Variants in ADARB2 observed in about 807,000 individuals in gnomAD.
ADARB2 encodes adenosine deaminase RNA specific B2 (inactive), also known as inactive double-stranded RNA-specific editase B2.
A neutral mutation model predicts 62.2 loss-of-function variants in ADARB2; 25 were observed. The observed-to-expected ratio is 0.40, with a 90% CI of 0.29 to 0.56. The LOEUF is 0.56. Ranked by LOEUF, ADARB2 falls within the 20% of genes least tolerant of loss-of-function variation. ADARB2 has a pLI of 0.43. For synonymous variants in ADARB2, 572 were observed against 500.8 expected (o/e 1.14, Z -1.90); for missense variants, 1,071 against 1,077.4 (o/e 0.99, Z 0.08).
At chr10:1,369,664 A>T (rs554241928) in intron 2 of ADARB2, among the ~76,000 whole-genome samples, 22 of 151,986 alleles carry the variant, frequency 1.4e-4, no homozygotes, top group African/African-American at 4.3e-4. Context: ...AATACATTTT[A>T]AAAAGTCAGC....
intron 1 of ADARB2, among the ~76,000 whole-genome samples, chr10:1,502,258 A>G (rs1315925117): frequency 6.6e-6 from 1 of 152,124 alleles, no homozygotes; most frequent in African/African-American, 2.4e-5. Flanking sequence ...ATCTCCCACA[A>G]CTGTCCAGCC....
At chr10:1,319,165 C>A (rs909141897) in intron 3 of ADARB2, among the ~76,000 whole-genome samples, 5 of 152,144 alleles carry the variant, frequency 3.3e-5, no homozygotes, top group Admixed American at 1.3e-4. Flanking sequence ...CTTCCTTACA[C>A]ACAGAGATAC....
chr10:1,465,837 C>T (rs563122329), intron 1 of ADARB2, among the ~76,000 whole-genome samples: 7 of 152,346 alleles, frequency 4.6e-5, no homozygotes, highest in Non-Finnish European at 8.8e-5. Flanking sequence ...CTCCCTCGGG[C>T]GGTCCTGGCT....
chr10:1,192,019 T>G (rs1018864670), intron 8 of ADARB2, among the ~76,000 whole-genome samples: 3 of 152,342 alleles, frequency 2.0e-5, no homozygotes, highest in African/African-American at 7.2e-5. Flanking sequence ...AACTCATCTA[T>G]GAAAGTGAGT....
chr10:1,333,994 G>A (rs1308086332), intron 3 of ADARB2, among the ~76,000 whole-genome samples: 1 of 152,150 alleles, frequency 6.6e-6, no homozygotes, highest in Admixed American at 6.5e-5. Context: ...ATGCTTACAC[G>A]GCAGGTTACT....
chr10:1,560,774 G>C (rs1044899428), intron 1 of ADARB2, among the ~76,000 whole-genome samples: 1 of 152,220 alleles, frequency 6.6e-6, no homozygotes, highest in Non-Finnish European at 1.5e-5. Context: ...ACTTGTGGAC[G>C]GTCATCTGTC....
At position 1,200,207 on chromosome 10, in the gene ADARB2, C is replaced by T. The variant is rs1836967300; in HGVS notation, c.1683-60G>A. 2.6e-6 allele frequency: 4 copies of T among 1,545,036 alleles called. No homozygotes were observed. The South Asian group carries it at 3.6e-5, about 14-fold the overall frequency. ...CCAGGAGCCCAGGGAGCCTGGTCCTCTCTGTCCGTCTGCGGCCTGGTCCTG... is the reference window on the plus strand; with the variant it reads ...CCAGGAGCCCAGGGAGCCTGGTCCTTTCTGTCCGTCTGCGGCCTGGTCCTG... On this transcript the variant is annotated intron_variant, in intron 7 of 9. Coordinates refer to ENST00000381312, the MANE Select transcript of ADARB2 (RefSeq NM_018702.4).
intron 1 of ADARB2, among the ~76,000 whole-genome samples, chr10:1,444,281 A>ATCCATC (rs758159917): frequency 1.7e-5 from 2 of 117,568 alleles, no homozygotes; most frequent in African/African-American, 8.7e-5. Context: ...CCATCTATCT[A>ATCCATC]CATCCATCCA....
At chr10:1,678,353 AGTGAGTGACCTCGGG>A in intron 1 of ADARB2, 1 of 981,536 alleles carries the variant, frequency 1.0e-6, no homozygotes, top group Admixed American at 6.2e-5. Flanking sequence ...GGGACCTCGG[AGTGAGTGACCTCGGG>A]GTGAGCATCC....
intron 1 of ADARB2, among the ~76,000 whole-genome samples, chr10:1,674,503 G>A (rs866077634): frequency 7.2e-5 from 11 of 152,168 alleles, no homozygotes; most frequent in African/African-American, 1.9e-4. Flanking sequence ...AATAAAAAGC[G>A]TATACAGCCT....
chr10:1,291,420 AGAG>A (rs1228983332), intron 3 of ADARB2: 1 of 152,262 alleles, frequency 6.6e-6, no homozygotes, highest in Non-Finnish European at 1.5e-5. Context: ...GCAGGCTCCC[AGAG>A]GAGCGGGGTC....
chr10:1,701,842 C>T (rs372744476), intron 1 of ADARB2, among the ~76,000 whole-genome samples: 366 of 134,648 alleles, frequency 2.7e-3, no homozygotes, highest in East Asian at 6.0e-3. Context: ...GGAGACCAGG[C>T]GCTCACCAGT....
intron 3 of ADARB2, among the ~76,000 whole-genome samples, chr10:1,299,383 G>A (rs552743621): frequency 2.6e-5 from 4 of 152,268 alleles, no homozygotes; most frequent in African/African-American, 9.6e-5. Context: ...GTCAGCAGGG[G>A]TGTCCTTCCC....
intron 1 of ADARB2, among the ~76,000 whole-genome samples, chr10:1,702,528 T>G (rs1834835205): frequency 6.6e-6 from 1 of 152,192 alleles, no homozygotes; most frequent in Non-Finnish European, 1.5e-5. Context: ...CATCACTCTC[T>G]TCCCTTTTCT....
At chr10:1,208,478 AG>A (rs915160878) in intron 7 of ADARB2, among the ~76,000 whole-genome samples, 4 of 152,200 alleles carry the variant, frequency 2.6e-5, no homozygotes, top group African/African-American at 9.6e-5. Flanking sequence ...ACTCAGGTGC[AG>A]GCAGCCGGGC....
intron 3 of ADARB2, among the ~76,000 whole-genome samples, chr10:1,328,850 G>T (rs1011418231): frequency 6.6e-5 from 10 of 151,964 alleles, no homozygotes; most frequent in African/African-American, 2.4e-4. Context: ...AAAATAACTG[G>T]TCATGGTGGT....
intron 1 of ADARB2, among the ~76,000 whole-genome samples, chr10:1,637,644 C>A (rs1353112601): frequency 6.6e-6 from 1 of 152,150 alleles, no homozygotes; most frequent in Non-Finnish European, 1.5e-5. Context: ...CAGTATGATT[C>A]TTCTGATTAG....
At chr10:1,439,159 C>T (rs1190052259) in intron 1 of ADARB2, among the ~76,000 whole-genome samples, 268 of 87,180 alleles carry the variant, frequency 3.1e-3, no homozygotes, top group African/African-American at 4.4e-3. Context: ...AGGCCCTTCA[C>T]GATGGGGCTC....
intron 1 of ADARB2, among the ~76,000 whole-genome samples, chr10:1,563,314 C>G (rs1832812896): frequency 6.6e-6 from 1 of 152,122 alleles, no homozygotes; most frequent in Admixed American, 6.5e-5. Context: ...TGCATCCTCC[C>G]CACAAGATCT....
Sources: gnomAD v4.1 joint callset for allele counts (sites outside exome capture counted in the v4.1 genomes callset) on GRCh38, gnomAD v4.1.1 for gene constraint, MANE v1.5 for transcripts, NCBI Gene and HGNC (gene_info 2026-07-23, HGNC 2026-07-21) for gene names.